ABCB1: variants seen among roughly 807,000 people sequenced by gnomAD.
ABCB1 encodes ATP-dependent translocase ABCB1.
ABCB1 carries 69 observed loss-of-function variants against 142.0 expected under a neutral mutation model. That is an observed-to-expected ratio of 0.49 (90% CI 0.40 to 0.59). The LOEUF (loss-of-function observed/expected upper bound fraction) is 0.59, where lower values mean the gene tolerates loss of function less well. ABCB1 is among the 20% of genes least tolerant of loss of function. The pLI, the probability that ABCB1 is intolerant of heterozygous loss-of-function variation, is 0.00. For synonymous variants in ABCB1, 532 were observed against 539.2 expected, an observed-to-expected ratio of 0.99 and a Z score of 0.18; for missense variants, 1,326 against 1,554.7, an observed-to-expected ratio of 0.85 and a Z score of 2.47.
At chr7:87,626,995 C>T (rs528920862) in intron 1 of ABCB1, among the ~76,000 whole-genome samples, 26 of 152,118 alleles carry the variant, frequency 1.7e-4, no homozygotes, top group African/African-American at 6.0e-4. Context: ...AGGCTGGTCT[C>T]GAACTCCTGA....
At chr7:87,537,377 T>C (rs1009771107) in intron 19 of ABCB1, among the ~76,000 whole-genome samples, 2 of 152,226 alleles carry the variant, frequency 1.3e-5, no homozygotes, top group African/African-American at 4.8e-5. Flanking sequence ...TTGATTTCTA[T>C]TTTAGAAAAA....
chr7:87,552,519 T>C (rs1817118564), intron 9 of ABCB1, among the ~76,000 whole-genome samples: 1 of 152,096 alleles, frequency 6.6e-6, no homozygotes, highest in Admixed American at 6.5e-5. Flanking sequence ...CTCCCTATTT[T>C]GGATGCCTCC....
At chr7:87,527,069 T>C (rs1815815065) in intron 21 of ABCB1, among the ~76,000 whole-genome samples, 1 of 152,178 alleles carries the variant, frequency 6.6e-6, no homozygotes, top group South Asian at 2.1e-4. Context: ...AATGATTTTT[T>C]TTAATAGCAT....
intron 26 of ABCB1, among the ~76,000 whole-genome samples, chr7:87,507,336 T>C (rs953268034): frequency 6.6e-6 from 1 of 152,226 alleles, no homozygotes; most frequent in African/African-American, 2.4e-5. Flanking sequence ...TATTAACCCC[T>C]AGCCCAGTGG....
intron 2 of ABCB1, among the ~76,000 whole-genome samples, chr7:87,597,507 A>G (rs1033638048): frequency 6.6e-6 from 1 of 152,138 alleles, no homozygotes; most frequent in African/African-American, 2.4e-5. Context: ...AGGCCATGAT[A>G]GAACCAATAA....
chr7:87,713,000 A>G (rs1218185123), intron 1 of ABCB1, among the ~76,000 whole-genome samples: 1 of 152,002 alleles, frequency 6.6e-6, no homozygotes, highest in East Asian at 1.9e-4. Flanking sequence ...AAAAAATCTT[A>G]TTTTTCTCCC....
chr7:87,615,489 A>G (rs1279024917), intron 1 of ABCB1, among the ~76,000 whole-genome samples: 1 of 152,234 alleles, frequency 6.6e-6, no homozygotes, highest in South Asian at 2.1e-4. Context: ...AGTTTGGAGC[A>G]GAGAAGTAAC....
intron 25 of ABCB1, among the ~76,000 whole-genome samples, chr7:87,512,837 G>T (rs980089614): frequency 6.6e-6 from 1 of 152,196 alleles, no homozygotes; most frequent in African/African-American, 2.4e-5. Context: ...AATAAATGAG[G>T]ACACTTTGTT....
At chr7:87,707,306 A>G (rs775061202) in intron 1 of ABCB1, among the ~76,000 whole-genome samples, 4 of 152,180 alleles carry the variant, frequency 2.6e-5, no homozygotes, top group Non-Finnish European at 5.9e-5. Context: ...AGCAATTATA[A>G]TAGGTTCAAG....
intron 7 of ABCB1, chr7:87,565,514 G>C (rs1039462243): frequency 2.3e-6 from 1 of 442,806 alleles, no homozygotes; most frequent in African/African-American, 2.0e-5. Context: ...CATCCTTAGG[G>C]ACTAGAAAGT....
intron 1 of ABCB1, among the ~76,000 whole-genome samples, chr7:87,658,157 T>C (rs1392448474): frequency 1.3e-5 from 2 of 151,850 alleles, no homozygotes; most frequent in Non-Finnish European, 2.9e-5. Context: ...GCAATACATG[T>C]GAGAAACAAA....
At chr7:87,522,910 T>C (rs1815580924) in intron 21 of ABCB1, among the ~76,000 whole-genome samples, 1 of 152,166 alleles carries the variant, frequency 6.6e-6, no homozygotes, top group Non-Finnish European at 1.5e-5. Context: ...AAATACACAT[T>C]AATAATGAGA....
At chr7:87,595,888 A>G (rs1819185850) in intron 2 of ABCB1, 74 bp from the exon 3 acceptor site, 1 of 1,179,564 alleles carries the variant, frequency 8.5e-7, no homozygotes, top group Non-Finnish European at 1.3e-6. Flanking sequence ...TTAACATAGA[A>G]TGTATATTTA....
At chr7:87,633,196 G>T (rs1294533886) in intron 1 of ABCB1, among the ~76,000 whole-genome samples, 1 of 152,204 alleles carries the variant, frequency 6.6e-6, no homozygotes, top group African/African-American at 2.4e-5. Context: ...TTCATCAACT[G>T]TAGTGCTTTA....
At position 87,679,665 on chromosome 7, in the gene ABCB1, C is replaced by T. The variant is rs558081624; in HGVS notation, c.-331+33496G>A. Among the ~76,000 whole-genome samples, 20 of 150,448 alleles carry T rather than the reference C, an allele frequency of 1.3e-4. 1 individual carries two copies. The highest frequency in any genetic ancestry group is 4.9e-4 in the African/African-American group (20 of 40,524). On this transcript the variant is annotated intron_variant, in intron 1 of 28. Coordinates refer to the ABCB1 transcript ENST00000265724. ...TCAGCCTTTCAAAGTGCTGAGATTA[C>T]AAGTGTGAACCACTGTGCCTGGCCA...
chr7:87,514,883 C>T (rs1815161561), intron 25 of ABCB1, among the ~76,000 whole-genome samples: 2 of 152,228 alleles, frequency 1.3e-5, no homozygotes, highest in African/African-American at 2.4e-5. Flanking sequence ...GAAACAGTCT[C>T]CATCCTTGGC....
intron 25 of ABCB1, among the ~76,000 whole-genome samples, chr7:87,513,654 G>A (rs1815112391): frequency 6.6e-6 from 1 of 152,138 alleles, no homozygotes; most frequent in African/African-American, 2.4e-5. Flanking sequence ...ACAAATCACT[G>A]ATCGCAGCTT....
rs1053901180 is a variant in ABCB1, at chr7:87,522,419, A to C, written c.2686-1543T>G. On this transcript the variant is annotated intron_variant, in intron 21 of 27. Transcript: ENST00000622132. ...CAGCAGTGGCAGAAGATTTTAAATT[A>C]CTGCCAGGAAACAAATCTTAGCAGG... is the stretch of plus-strand genomic sequence containing the variant. 3 of 654,064 alleles carry C rather than the reference A, an allele frequency of 4.6e-6. No individual in the cohort carries two copies. In the African/African-American group the frequency reaches 5.3e-5, roughly 12 times the overall value. 40.5% of individuals were successfully genotyped at this position (654,064 alleles called of 1,614,324 possible).
At chr7:87,535,858 T>G (rs1816264296) in intron 20 of ABCB1, among the ~76,000 whole-genome samples, 1 of 152,172 alleles carries the variant, frequency 6.6e-6, no homozygotes, top group African/African-American at 2.4e-5. Flanking sequence ...ACTTTTGCCA[T>G]AAACAGTTGT....
Sources: gnomAD v4.1 joint callset for allele counts (sites outside exome capture counted in the v4.1 genomes callset) on GRCh38, gnomAD v4.1.1 for gene constraint, MANE v1.5 for transcripts, NCBI Gene and HGNC (gene_info 2026-07-23, HGNC 2026-07-21) for gene names.